Variants in RNF19A observed in about 807,000 individuals in gnomAD.
RNF19A encodes the protein E3 ubiquitin-protein ligase RNF19A.
Under a neutral mutation model 75.7 loss-of-function variants are expected in RNF19A, and 32 were observed. The ratio of observed to expected loss-of-function variants is 0.42; its 90% CI spans 0.32 to 0.57. The LOEUF (loss-of-function observed/expected upper bound fraction) is 0.57. RNF19A is among the 20% of genes least tolerant of loss of function. RNF19A has a pLI of 0.10. For missense variants in RNF19A, 782 were observed against 1,036.3 expected (o/e 0.75, Z 3.37); for synonymous variants, 335 against 345.2 (o/e 0.97, Z 0.33).
At chr8:100,262,586 T>C (rs1040417710) in intron 7 of RNF19A, among the ~76,000 whole-genome samples, 6 of 152,054 alleles carry the variant, frequency 3.9e-5, no homozygotes, top group African/African-American at 9.7e-5. Context: ...GTGGGGCCTT[T>C]TGGGCTATGA....
At position 100,275,201 on chromosome 8, in the gene RNF19A, AACAAGAGAT is replaced by A; in HGVS notation, c.675-49_675-41del. 1.3e-6 allele frequency: 2 copies of A among 1,548,172 alleles called. No individual in the cohort carries two copies. Among genetic ancestry groups the A allele is most frequent in the Non-Finnish European group, 1.8e-6 (2 of 1,121,598 alleles). On this transcript the variant is annotated intron_variant, in intron 2 of 9. Transcript: ENST00000341084. The surrounding 1 kb of genome is among the most constrained non-coding windows in gnomAD (Gnocchi z 4.3). ...AAAAATGATTTAAAATGTGACATAAAACAAGAGATACTCATTTCAAAAAGTATCCAACTA... is the reference window on the plus strand; with the variant it reads ...AAAAATGATTTAAAATGTGACATAAAACTCATTTCAAAAAGTATCCAACTA...
Position 100,260,521 on chromosome 8 carries a change from T to C in RNF19A, c.1683-524A>G, listed in dbSNP as rs979044922. ...CTGGCCTCAAGCTATCCTCCCAACCTGGCCTCCCAAAGTGCTGGGATTATA... is the reference window on the plus strand; with the variant it reads ...CTGGCCTCAAGCTATCCTCCCAACCCGGCCTCCCAAAGTGCTGGGATTATA... On this transcript the variant is annotated intron_variant, in intron 8 of 9. Transcript: ENST00000341084. The surrounding 1 kb of genome is among the most constrained non-coding windows in gnomAD (Gnocchi z 4.1). Among the ~76,000 whole-genome samples the C allele has an allele frequency of 1.3e-5, 2 of 152,118 alleles. No individual in the cohort carries two copies. Among genetic ancestry groups the C allele is most frequent in the African/African-American group, 4.8e-5 (2 of 41,426 alleles).
intron 1 of RNF19A, among the ~76,000 whole-genome samples, chr8:100,291,820 G>C (rs1660329): frequency 2.0e-5 from 3 of 151,966 alleles, no homozygotes; most frequent in African/African-American, 7.3e-5. Flanking sequence ...AATACTAAAT[G>C]TAAGAGCAGT....
chr8:100,309,775 TGCGGCCCGGC>T lies in RNF19A; in HGVS notation c.-94+82_-94+91del, dbSNP rs1229834608. ...CTGTCCCGGGCAGGGGCGCTAGGGC[TGCGGCCCGGC>T]CAGAGCTCCCTGGGTCGTAAGCGAG... On this transcript the variant is annotated intron_variant, in intron 1 of 9. Coordinates refer to ENST00000341084, the MANE Select transcript of RNF19A (RefSeq NM_183419.4). 23 of 985,400 alleles carry T rather than the reference TGCGGCCCGGC, an allele frequency of 2.3e-5. No homozygotes were observed. The African/African-American group carries it at 4.0e-4, about 17-fold the overall frequency. 61.0% of individuals were successfully genotyped at this position (985,400 alleles called of 1,614,324 possible).
upstream of RNF19A, chr8:100,310,278 C>T: frequency 1.0e-6 from 1 of 980,462 alleles, no homozygotes; most frequent in Non-Finnish European, 1.2e-6. Flanking sequence ...CGTTCCGCGC[C>T]CGCGCAGGAG....
chr8:100,287,737 A>T lies in RNF19A; in HGVS notation c.438T>A (p.Asp146Glu), dbSNP rs1312497830. The change falls in exon 2 of 10, where the codon GAT becomes GAA. Residue 146 changes from aspartate to glutamate, a missense_variant. Around this residue, in one of 7 missense-constraint regions of RNF19A, gnomAD observed 85 missense variants for 177.7 expected, o/e 0.48. Coordinates refer to ENST00000341084, the MANE Select transcript of RNF19A (RefSeq NM_183419.4). The surrounding 1 kb of genome is among the most constrained non-coding windows in gnomAD (Gnocchi z 4.1). ...AAGATCTGTGATGACAAGTCATTAT[A>T]TCAGGAAATCTGTCTTTAGAATGCC... ...LLRHSKDRFPDIMTCHHRSCV... is the reference protein window; with the variant it reads ...LLRHSKDRFPEIMTCHHRSCV... 1 of 1,614,028 alleles carries T rather than the reference A, an allele frequency of 6.2e-7. No individual in the cohort carries two copies. Among genetic ancestry groups the T allele is most frequent in the Admixed American group, 1.7e-5 (1 of 60,006 alleles).
At position 100,267,884 on chromosome 8, in the gene RNF19A, G is replaced by A. The variant is rs534630819; in HGVS notation, c.1191+901C>T. ...GTAGAGATGGGGTTTCACCATGTTG[G>A]CCAGGCTGGTCTTGAACTCCTGACC... is the stretch of plus-strand genomic sequence containing the variant. On this transcript the variant is annotated intron_variant, in intron 5 of 9. Transcript: ENST00000341084. 4.0e-5 allele frequency among the ~76,000 whole-genome samples: 6 copies of A among 149,022 alleles called. No homozygotes were observed. In the East Asian group the frequency reaches 1.2e-3, roughly 30 times the overall value.
chr8:100,279,578 A>G (rs1820685265), intron 2 of RNF19A, among the ~76,000 whole-genome samples: 1 of 151,998 alleles, frequency 6.6e-6, no homozygotes, highest in South Asian at 2.1e-4. Flanking sequence ...TTTGAGATGG[A>G]GTCTCACTCT....
chr8:100,334,983 A>G (rs1822658714), intron 1 of RNF19A, among the ~76,000 whole-genome samples: 1 of 152,224 alleles, frequency 6.6e-6, no homozygotes, highest in Non-Finnish European at 1.5e-5. Context: ...GATCTCCCCA[A>G]ACAATACCCT....
At chr8:100,285,186 T>C (rs1218657631) in intron 2 of RNF19A, among the ~76,000 whole-genome samples, 1 of 152,210 alleles carries the variant, frequency 6.6e-6, no homozygotes, top group Non-Finnish European at 1.5e-5. Context: ...GTAGAATAAA[T>C]GTGTGTTCAA....
rs565034848 is a variant in RNF19A, at chr8:100,267,543, A to G, written c.1191+1242T>C. The stretch of plus-strand genomic sequence containing the variant: ...TACTACCATACCCAGATAATTTTTA[A>G]ATTTTTTTGAGAGATGGGGTCTCAC... On this transcript the variant is annotated intron_variant, in intron 5 of 9. Coordinates refer to ENST00000341084, the MANE Select transcript of RNF19A (RefSeq NM_183419.4). Among the ~76,000 whole-genome samples the G allele has an allele frequency of 4.7e-4, 72 of 151,858 alleles. No homozygotes were observed. The South Asian group carries it at 0.015, about 32-fold the overall frequency.
chr8:100,287,843 G>T lies in RNF19A; in HGVS notation c.332C>A (p.Thr111Lys). 1 of 1,614,120 alleles carries T rather than the reference G, an allele frequency of 6.2e-7. No homozygotes were observed. The highest frequency in any genetic ancestry group is 1.3e-5 in the African/African-American group (1 of 75,050). Residue 111 changes from threonine (T) to lysine (K), a missense_variant, in exon 2 of 10, where the codon ACA becomes AAA. Physicochemically the swap from Thr to Lys is moderately conservative, Grantham distance 78 (BLOSUM62 -1). This residue lies in a region of RNF19A where 148 missense variants were observed against 147.9 expected (regional missense o/e 1.00). Transcript: ENST00000341084. This position sits in a 1 kb window ranked among gnomAD's most constrained non-coding sequence, Gnocchi z 4.1. ...TAATCCATTGTCAGAAGAGGTATTT[G>T]TAGAGAAAATGGAGTTCTTATCAGT... is the stretch of plus-strand genomic sequence containing the variant. ...MCTDKNSIFSTNTSSDNGLTS... is the reference protein window; with the variant it reads ...MCTDKNSIFSKNTSSDNGLTS...
At chr8:100,270,504 G>T (rs149932888) in intron 3 of RNF19A, among the ~76,000 whole-genome samples, 1 of 152,050 alleles carries the variant, frequency 6.6e-6, no homozygotes, top group African/African-American at 2.4e-5. Flanking sequence ...AAAGCACTAT[G>T]AATTTATTTC....
At chr8:100,304,038 C>A (rs949487071) in intron 1 of RNF19A, among the ~76,000 whole-genome samples, 1 of 152,156 alleles carries the variant, frequency 6.6e-6, no homozygotes, top group African/African-American at 2.4e-5. Flanking sequence ...CTCACTATAA[C>A]CTCCACCTCT....
At chr8:100,318,858 ATGG>A (rs942277784) in intron 1 of RNF19A, among the ~76,000 whole-genome samples, 27 of 152,324 alleles carry the variant, frequency 1.8e-4, no homozygotes, top group African/African-American at 6.5e-4. Flanking sequence ...GAGAGGAAGA[ATGG>A]TGGTTGGGGG....
At position 100,330,934 on chromosome 8, in the gene RNF19A, T is replaced by C. The variant is rs369572250; in HGVS notation, c.-243+5174A>G. ...GGCTCCAAGGCTCTGAGCTGGTCTT[T>C]CTGAAATCTGACTCCCTTGTAACAT... On this transcript the variant is annotated intron_variant, in intron 1 of 3. Coordinates refer to the RNF19A transcript ENST00000519527. This position sits in a 1 kb window ranked among gnomAD's most constrained non-coding sequence, Gnocchi z 4.1. Among the ~76,000 whole-genome samples, 72 of 152,366 alleles carry C rather than the reference T, an allele frequency of 4.7e-4. 2 individuals carry two copies. The South Asian group carries it at 0.013, about 29-fold the overall frequency.
In RNF19A at chr8:100,258,519, G is replaced by A; in HGVS notation, c.*37C>T. The A allele has an allele frequency of 3.3e-6, 5 of 1,528,924 alleles. No individual in the cohort carries two copies. The highest frequency in any genetic ancestry group is 4.5e-6 in the Non-Finnish European group (5 of 1,122,418). The allele number at this position is 1,528,924 out of a possible 1,614,324, so 94.7% of individuals were successfully genotyped here. A position where few individuals can be genotyped will look rare whatever the true frequency, so the allele number is the denominator to read the frequency against. On this transcript the variant is annotated 3_prime_UTR_variant, in exon 10 of 10. Coordinates refer to ENST00000341084, the MANE Select transcript of RNF19A (RefSeq NM_183419.4). The surrounding 1 kb of genome is among the most constrained non-coding windows in gnomAD (Gnocchi z 4.3). The stretch of plus-strand genomic sequence containing the variant: ...TGTAGTTCAACCAGCTCCAAACACG[G>A]TTGTACAGTGGTAATTATTCTGCAG...
chr8:100,293,114 A>G (rs1048924126), intron 1 of RNF19A, among the ~76,000 whole-genome samples: 7 of 152,170 alleles, frequency 4.6e-5, no homozygotes, highest in Admixed American at 1.3e-4. Flanking sequence ...CAGGAGGTGG[A>G]GCTCAGGCAA....
At position 100,323,792 on chromosome 8, in the gene RNF19A, C is replaced by T. The variant is rs141277914; in HGVS notation, c.-242-10420G>A. ...TAGGGCTGGAAGGGAAAATTTAGGG[C>T]CCTGTGTTAACTTGTTGAAATTCAT... On this transcript the variant is annotated intron_variant, in intron 1 of 3. Coordinates refer to the RNF19A transcript ENST00000519527. This position sits in a 1 kb window ranked among gnomAD's most constrained non-coding sequence, Gnocchi z 4.6. Among the ~76,000 whole-genome samples, 3 of 152,100 alleles carry T rather than the reference C, an allele frequency of 2.0e-5. No homozygotes were observed. The highest frequency in any genetic ancestry group is 2.9e-5 in the Non-Finnish European group (2 of 68,010).
Sources: allele counts gnomAD v4.1 joint callset (sites outside exome capture counted in the v4.1 genomes callset), GRCh38; gene constraint gnomAD v4.1.1; regional missense constraint gnomAD v4.1.1; non-coding constraint Gnocchi (gnomAD v3.1); transcripts MANE v1.5; gene names NCBI Gene and HGNC (gene_info 2026-07-23, HGNC 2026-07-21).